The following SUCLG2 variants were observed in gnomAD, a reference collection of about 807,000 sequenced individuals.
SUCLG2 encodes succinate-CoA ligase GDP-forming subunit beta.
In SUCLG2, 42 loss-of-function variants were observed where a neutral mutation model predicts 47.9. The ratio of observed to expected loss-of-function variants is 0.88; its 90% CI spans 0.69 to 1.14. SUCLG2 has a LOEUF of 1.14. SUCLG2 is among the 50% of genes most tolerant of loss of function. The pLI is 0.00. For missense variants in SUCLG2, 571 were observed against 525.9 expected (o/e 1.09, Z -0.84); for synonymous variants, 195 against 197.3 (o/e 0.99, Z 0.10).
At chr3:67,441,678 A>G (rs1012464348) in intron 9 of SUCLG2, among the ~76,000 whole-genome samples, 1 of 152,236 alleles carries the variant, frequency 6.6e-6, no homozygotes, top group Non-Finnish European at 1.5e-5. Context: ...TAATACAGAT[A>G]ACTAACATAT....
chr3:67,492,653 A>T (rs1242927000), intron 9 of SUCLG2, among the ~76,000 whole-genome samples: 7 of 152,248 alleles, frequency 4.6e-5, no homozygotes, highest in African/African-American at 1.4e-4. Flanking sequence ...TAAGAGAATT[A>T]TAAAATATTT....
At chr3:67,422,500 A>AAAAAAAAAAAAAAAAAAAAAAAAAT in intron 9 of SUCLG2, among the ~76,000 whole-genome samples, 2 of 146,068 alleles carry the variant, frequency 1.4e-5, no homozygotes, top group African/African-American at 2.5e-5. Context: ...AAAAAAAAAA[A>AAAAAAAAAAAAAAAAAAAAAAAAAT]AAAGAACATT....
rs756913261 is a variant in SUCLG2, at chr3:67,520,619, C to T, written c.433G>A (p.Ala145Thr). 6.2e-6 allele frequency: 10 copies of T among 1,612,244 alleles called. No homozygotes were observed. Among genetic ancestry groups the T allele is most frequent in the Admixed American group, 1.7e-5 (1 of 59,586 alleles). Residue 145 changes from alanine to threonine, a missense_variant, in exon 5 of 11, where the codon GCC (alanine) becomes ACC (threonine). Coordinates refer to ENST00000307227, the MANE Select transcript of SUCLG2 (RefSeq NM_003848.4). ...VKVNKVMVAEALDISRETYLA... is the reference protein window; with the variant it reads ...VKVNKVMVAETLDISRETYLA... The stretch of plus-strand genomic sequence containing the variant: ...TAGGTTTCTCTGGAAATATCCAAGG[C>T]TTCAGCAACCATCACCTACCACATT...
intron 7 of SUCLG2, among the ~76,000 whole-genome samples, chr3:67,504,754 G>A (rs1045431067): frequency 2.6e-5 from 4 of 152,160 alleles, no homozygotes; most frequent in African/African-American, 9.7e-5. Context: ...TCAGAAAAAG[G>A]AGTCTGTGTA....
intron 10 of SUCLG2, among the ~76,000 whole-genome samples, chr3:67,383,041 A>G (rs536950374): frequency 1.4e-4 from 21 of 152,338 alleles, no homozygotes; most frequent in African/African-American, 4.3e-4. Context: ...CAGAAACAGA[A>G]TAATTCATTG....
chr3:67,426,526 T>C (rs1418328173), intron 9 of SUCLG2, among the ~76,000 whole-genome samples: 1 of 152,214 alleles, frequency 6.6e-6, no homozygotes, highest in South Asian at 2.1e-4. Flanking sequence ...AGTAAGACTG[T>C]AAAGAACATA....
intron 2 of SUCLG2, among the ~76,000 whole-genome samples, chr3:67,588,968 T>A (rs1293408458): frequency 6.6e-6 from 1 of 152,186 alleles, no homozygotes; most frequent in Admixed American, 6.5e-5. Context: ...TCCAAGCCCC[T>A]TACAGGGTCT....
intron 1 of SUCLG2, among the ~76,000 whole-genome samples, chr3:67,641,409 A>C (rs1338624576): frequency 5.9e-5 from 9 of 152,226 alleles, no homozygotes; most frequent in Admixed American, 5.9e-4. Context: ...CAGAAGTGCC[A>C]AGGTGAAAAA....
intron 2 of SUCLG2, among the ~76,000 whole-genome samples, chr3:67,592,143 A>T (rs1708179811): frequency 1.3e-5 from 2 of 152,224 alleles, no homozygotes; most frequent in Non-Finnish European, 2.9e-5. Flanking sequence ...AGCTTGCCCA[A>T]GATCTCATGT....
chr3:67,437,738 G>A (rs1416480964), intron 9 of SUCLG2, among the ~76,000 whole-genome samples: 1 of 151,934 alleles, frequency 6.6e-6, no homozygotes, highest in East Asian at 1.9e-4. Flanking sequence ...AAATTTGGTT[G>A]AACGTAAAGT....
chr3:67,382,408 G>T (rs1222645355), intron 10 of SUCLG2, among the ~76,000 whole-genome samples: 1 of 152,162 alleles, frequency 6.6e-6, no homozygotes, highest in Non-Finnish European at 1.5e-5. Context: ...ATTCACTAGA[G>T]GAAAATGAGG....
intron 4 of SUCLG2, among the ~76,000 whole-genome samples, chr3:67,521,255 G>C (rs1437817866): frequency 6.6e-6 from 1 of 152,024 alleles, no homozygotes; most frequent in Non-Finnish European, 1.5e-5. Context: ...ATAAACCCTC[G>C]GGCCCCAGGA....
intron 9 of SUCLG2, among the ~76,000 whole-genome samples, chr3:67,469,468 G>A (rs893654140): frequency 2.6e-5 from 4 of 152,134 alleles, no homozygotes; most frequent in Non-Finnish European, 4.4e-5. Context: ...GGTGGCTCAC[G>A]CCTGTAATTA....
intron 7 of SUCLG2, among the ~76,000 whole-genome samples, chr3:67,499,093 C>A (rs1325387852): frequency 6.6e-6 from 1 of 152,188 alleles, no homozygotes. Flanking sequence ...GTATTTAAAG[C>A]ATACAACATC....
chr3:67,586,104 T>C (rs902896985), intron 2 of SUCLG2, among the ~76,000 whole-genome samples: 10 of 152,054 alleles, frequency 6.6e-5, no homozygotes. Flanking sequence ...ACCCACTTTA[T>C]CAGAACTACT....
At position 67,626,984 on chromosome 3, in the gene SUCLG2, A is replaced by T. The variant is rs1224873504; in HGVS notation, c.85-17388T>A. On this transcript the variant is annotated intron_variant, in intron 1 of 10. Transcript: ENST00000307227. ...GAGAGGACAGTATATGTATCAAAAA[A>T]TTTTCAACTAGAAGTTTGAAATGTT... Among the ~76,000 whole-genome samples, 4 of 152,052 alleles carry T rather than the reference A, an allele frequency of 2.6e-5. No homozygotes were observed. The South Asian group carries it at 6.2e-4, about 24-fold the overall frequency.
chr3:67,646,459 G>T (rs995183599), intron 1 of SUCLG2, among the ~76,000 whole-genome samples: 10 of 152,100 alleles, frequency 6.6e-5, no homozygotes, highest in Non-Finnish European at 1.5e-4. Flanking sequence ...GCTAGGTGTG[G>T]TGGTGTACAC....
intron 1 of SUCLG2, among the ~76,000 whole-genome samples, chr3:67,632,172 A>C (rs1488514611): frequency 6.6e-6 from 1 of 152,124 alleles, no homozygotes; most frequent in Non-Finnish European, 1.5e-5. Flanking sequence ...CACAAATTCT[A>C]CAGGGAAAAT....
At chr3:67,568,073 G>T (rs17808417) in intron 2 of SUCLG2, among the ~76,000 whole-genome samples, 15,845 of 152,236 alleles carry the variant, frequency 0.1, 1,181 homozygotes, top group Admixed American at 0.22. Context: ...GACTTCTGTT[G>T]TGTGTGTGAG....
Sources: gnomAD v4.1 joint callset for allele counts (sites outside exome capture counted in the v4.1 genomes callset) on GRCh38, gnomAD v4.1.1 for gene constraint, MANE v1.5 for transcripts, NCBI Gene and HGNC (gene_info 2026-07-23, HGNC 2026-07-21) for gene names.